MEAK7: variants seen among roughly 807,000 people sequenced by gnomAD.
The protein encoded by MEAK7 is MTOR associated protein MEAK7.
Under a neutral mutation model 40.5 loss-of-function variants are expected in MEAK7, and 68 were observed. The observed-to-expected ratio is 1.68, with a 90% CI of 1.38 to 2.06. MEAK7 has a LOEUF of 2.06. Ranked by LOEUF, MEAK7 falls within the 30% of genes most tolerant of loss-of-function variation. MEAK7 has a pLI of 0.00. For missense variants in MEAK7, 918 were observed against 580.5 expected (o/e 1.58, Z -5.98); for synonymous variants, 338 against 231.9 (o/e 1.46, Z -4.16).
rs1210288997 is a variant in MEAK7 at position 84,486,624 on chromosome 16, G to C, written c.958+7C>G. ...CACTCGTCAAGGTTCAGGACACCAA[G>C]TCTTACCTTGAAACTGAGGCTTCAC... On this transcript the variant is annotated splice_region_variant and intron_variant, in intron 5 of 7. Transcript: ENST00000343629. 1 of 1,596,192 alleles carries C rather than the reference G, an allele frequency of 6.3e-7. No individual in the cohort carries two copies. Among genetic ancestry groups the C allele is most frequent in the Non-Finnish European group, 8.5e-7 (1 of 1,171,410 alleles).
At chr16:84,480,854 A>G in intron 6 of MEAK7, 146 bp from the exon 7 acceptor site, 1 of 887,724 alleles carries the variant, frequency 1.1e-6, no homozygotes, top group Non-Finnish European at 1.6e-6. Flanking sequence ...GTTTTCCTTA[A>G]CTGTGAAATA....
At chr16:84,489,910 G>A (rs1046059016) in intron 3 of MEAK7, among the ~76,000 whole-genome samples, 1 of 152,220 alleles carries the variant, frequency 6.6e-6, no homozygotes, top group Non-Finnish European at 1.5e-5. Context: ...CAACAGGGAA[G>A]GGGAATTGGA....
chr16:84,502,447 A>G (rs539978305), intron 1 of MEAK7, among the ~76,000 whole-genome samples: 73 of 152,212 alleles, frequency 4.8e-4, no homozygotes, highest in African/African-American at 1.6e-3. Flanking sequence ...AGGGCAGCGG[A>G]ACAAAATGGA....
At position 84,479,439 on chromosome 16, in the gene MEAK7, CG is replaced by C. The variant is rs1912304842; in HGVS notation, c.*473del. The C allele has an allele frequency of 6.8e-6, 1 of 146,436 alleles. No individual in the cohort carries two copies. Among genetic ancestry groups the C allele is most frequent in the East Asian group, 2.1e-4 (1 of 4,720 alleles). The allele number at this position is 146,436 out of a possible 1,614,324, so 9.1% of individuals were successfully genotyped here. On this transcript the variant is annotated 3_prime_UTR_variant, in exon 8 of 8. Transcript: ENST00000343629. The stretch of plus-strand genomic sequence containing the variant: ...TGCCAGCGGAATTCCCTAATGCCAG[CG>C]GAATTCCCTAATGCCAGCGGAATTC...
intron 1 of MEAK7, among the ~76,000 whole-genome samples, chr16:84,502,291 G>A (rs995356778): frequency 1.3e-5 from 2 of 152,124 alleles, no homozygotes; most frequent in African/African-American, 2.4e-5. Flanking sequence ...ACAACTGGGG[G>A]AGGGGAGTGC....
rs539889498 is a variant in MEAK7 at position 84,476,407 on chromosome 16, G to C, written c.*3506C>G. On this transcript the variant is annotated 3_prime_UTR_variant, in exon 8 of 8. Transcript: ENST00000343629. ...AGTTTTGCTGAAAACATGGCAAACA[G>C]GCACCCCGGTATATTGAGTATAAAT... 6.6e-6 allele frequency: 1 copy of C among 152,052 alleles called. No individual in the cohort carries two copies. The highest frequency in any genetic ancestry group is 2.4e-5 in the African/African-American group (1 of 41,388). The allele number at this position is 152,052 out of a possible 1,614,324, so 9.4% of individuals were successfully genotyped here.
chr16:84,481,125 C>T (rs2150622774), intron 6 of MEAK7, among the ~76,000 whole-genome samples: 1 of 152,368 alleles, frequency 6.6e-6, no homozygotes, highest in Non-Finnish European at 1.5e-5. Context: ...TGCCCCGCTT[C>T]CGGGCAGCGA....
In MEAK7 at chr16:84,497,905, A is replaced by G. The variant is rs771161093; in HGVS notation, c.153+29T>C. On this transcript the variant is annotated intron_variant, in intron 2 of 7. Coordinates refer to ENST00000343629, the MANE Select transcript of MEAK7 (RefSeq NM_020947.4). ...AGTTTGCAGACCCCTGCTCCCAACT[A>G]AACATGAACCACGGGTTGTTACTCT... The G allele has an allele frequency of 1.9e-5, 30 of 1,614,042 alleles. No individual in the cohort carries two copies. In the Admixed American group the frequency reaches 3.8e-4, roughly 21 times the overall value.
At chr16:84,492,766 G>A (rs756634595) in intron 3 of MEAK7, among the ~76,000 whole-genome samples, 17 of 152,032 alleles carry the variant, frequency 1.1e-4, no homozygotes, top group Admixed American at 2.0e-4. Flanking sequence ...ATTTTTGGTA[G>A]AGACAGGGTT....
chr16:84,504,053 G>A, intron 1 of MEAK7: 1 of 985,546 alleles, frequency 1.0e-6, no homozygotes, highest in Non-Finnish European at 1.2e-6. Flanking sequence ...CGAAGGGGCA[G>A]CTTGAGCCTG....
chr16:84,499,556 G>C (rs961627175), intron 1 of MEAK7, among the ~76,000 whole-genome samples: 1 of 152,150 alleles, frequency 6.6e-6, no homozygotes, highest in South Asian at 2.1e-4. Flanking sequence ...CCATTTTAAA[G>C]TGTACAGTGG....
At chr16:84,480,739 T>C (rs766264612) in intron 6 of MEAK7, 31 bp from the exon 7 acceptor site, 2 of 1,583,712 alleles carry the variant, frequency 1.3e-6, no homozygotes, top group African/African-American at 1.3e-5. Context: ...GAGAATAGCA[T>C]CAGCAACTCC....
intron 1 of MEAK7, chr16:84,503,913 CCAAGGGCCCCGCATCCCTAGAGCCACA>C: frequency 1.0e-6 from 1 of 984,772 alleles, no homozygotes; most frequent in Non-Finnish European, 1.2e-6. Context: ...ACTCTCTACT[CCAAGGGCCCCGCATCCCTAGAGCCACA>C]CAAGGGTCCC....
chr16:84,493,829 G>A (rs1913826141), intron 3 of MEAK7, among the ~76,000 whole-genome samples: 2 of 152,150 alleles, frequency 1.3e-5, no homozygotes, highest in Admixed American at 1.3e-4. Context: ...CTGACCTGTA[G>A]AGCTGATAAA....
At chr16:84,494,504 G>A (rs187594942) in intron 3 of MEAK7, among the ~76,000 whole-genome samples, 4 of 152,078 alleles carry the variant, frequency 2.6e-5, no homozygotes, top group African/African-American at 9.7e-5. Context: ...AAAGCTCTGA[G>A]AACTAAAGCT....
chr16:84,501,296 G>A (rs906632522), intron 1 of MEAK7, among the ~76,000 whole-genome samples: 2 of 151,990 alleles, frequency 1.3e-5, no homozygotes, highest in African/African-American at 2.4e-5. Flanking sequence ...CAAGAGCGTT[G>A]GGATCAGCGA....
Position 84,486,822 on chromosome 16 carries a change from G to T in MEAK7, c.767C>A (p.Ala256Asp). 1 of 1,614,022 alleles carries T rather than the reference G, an allele frequency of 6.2e-7. No homozygotes were observed. Among genetic ancestry groups the T allele is most frequent in the Middle Eastern group, 1.6e-4 (1 of 6,062 alleles). Residue 256 changes from alanine (A) to aspartate (D), a missense_variant, in exon 5 of 8, where the codon GCC becomes GAC. Coordinates refer to ENST00000343629, the MANE Select transcript of MEAK7 (RefSeq NM_020947.4). ...GTGCCGCTGCTCCCGAGGCAGCTGG[G>T]CGTTGATGTACATGACAGAGAGGAC... ...LDVLSVMYINAQLPREQRHRW... is the reference protein window; with the variant it reads ...LDVLSVMYINDQLPREQRHRW...
At chr16:84,502,260 C>A (rs1158383496) in intron 1 of MEAK7, among the ~76,000 whole-genome samples, 1 of 152,126 alleles carries the variant, frequency 6.6e-6, no homozygotes, top group South Asian at 2.1e-4. Context: ...TTGGCAATGA[C>A]TGGAAAAGTG....
intron 1 of MEAK7, among the ~76,000 whole-genome samples, chr16:84,501,037 G>T (rs1914453958): frequency 6.8e-6 from 1 of 147,832 alleles, no homozygotes; most frequent in African/African-American, 2.5e-5. Flanking sequence ...GGAAGTCGCA[G>T]TGAGCCGAGA....
Sources: gnomAD v4.1 joint callset for allele counts (sites outside exome capture counted in the v4.1 genomes callset) on GRCh38, gnomAD v4.1.1 for gene constraint, MANE v1.5 for transcripts, NCBI Gene and HGNC (gene_info 2026-07-23, HGNC 2026-07-21) for gene names.